PCP4: variants seen among roughly 807,000 people sequenced by gnomAD.
PCP4 encodes the protein calmodulin regulator protein PCP4.
Under a neutral mutation model 10.0 loss-of-function variants are expected in PCP4, and 8 were observed. The observed-to-expected ratio is 0.80, with a 90% CI of 0.47 to 1.45. The LOEUF is 1.45. Ranked by LOEUF, PCP4 falls within the 40% of genes most tolerant of loss-of-function variation. PCP4 has a pLI of 0.00. For synonymous variants in PCP4, 21 were observed against 23.0 expected, an observed-to-expected ratio of 0.91 and a Z score of 0.24; for missense variants, 54 against 74.4, an observed-to-expected ratio of 0.73 and a Z score of 1.01.
chr21:39,925,480 G>A (rs1401024650), intron 2 of PCP4, among the ~76,000 whole-genome samples: 3 of 152,232 alleles, frequency 2.0e-5, no homozygotes, highest in South Asian at 2.1e-4. Context: ...TTGGAACAAG[G>A]CGGACAAAGT....
chr21:39,908,127 GA>G (rs1233863906), intron 2 of PCP4, among the ~76,000 whole-genome samples: 9 of 152,146 alleles, frequency 5.9e-5, no homozygotes, highest in Non-Finnish European at 1.3e-4. Context: ...AAAAAAGCAA[GA>G]AAAGTGGTTT....
chr21:39,896,660 C>A (rs185674131), intron 1 of PCP4, among the ~76,000 whole-genome samples: 2 of 152,108 alleles, frequency 1.3e-5, no homozygotes, highest in African/African-American at 4.8e-5. Flanking sequence ...TAAGCATACA[C>A]GAGGATGGTT....
chr21:39,918,127 G>C (rs192655218), intron 2 of PCP4, among the ~76,000 whole-genome samples: 1 of 152,310 alleles, frequency 6.6e-6, no homozygotes, highest in African/African-American at 2.4e-5. Context: ...ACTTTGTCAT[G>C]ATAGCCTAAG....
At chr21:39,876,934 G>T (rs76485074) in intron 1 of PCP4, among the ~76,000 whole-genome samples, 5,675 of 152,208 alleles carry the variant, frequency 0.037, 349 homozygotes, top group African/African-American at 0.13. Flanking sequence ...AAAGGCTGTC[G>T]TTTTTATAGT....
chr21:39,924,979 T>C lies in PCP4; in HGVS notation c.62-4005T>C, dbSNP rs1468405634. On this transcript the variant is annotated intron_variant, in intron 2 of 2. Transcript: ENST00000328619. ...GGCCACAGGCCCTGGCCCAGGGGCA[T>C]GAGGGTACACCTGTGCCTTCCTCTT... Among the ~76,000 whole-genome samples the C allele has an allele frequency of 4.6e-5, 7 of 152,314 alleles. No individual in the cohort carries two copies. The East Asian group carries it at 9.7e-4, about 21-fold the overall frequency.
In PCP4 at chr21:39,906,346, C is replaced by G. The variant is rs1421988166; in HGVS notation, c.61+7819C>G. On this transcript the variant is annotated intron_variant, in intron 2 of 2. Transcript: ENST00000328619. The surrounding 1 kb of genome is among the most constrained non-coding windows in gnomAD (Gnocchi z 6.3). ...TTAATGGGCTACATCTTAGCCAAAC[C>G]AGAAACTATTGTATCCATAGTACCA... Among the ~76,000 whole-genome samples the G allele has an allele frequency of 2.6e-5, 4 of 152,178 alleles. No homozygotes were observed. Among genetic ancestry groups the G allele is most frequent in the Admixed American group, 2.0e-4 (3 of 15,276 alleles).
At chr21:39,920,150 GTGTT>G (rs1470403527) in intron 2 of PCP4, among the ~76,000 whole-genome samples, 10 of 147,624 alleles carry the variant, frequency 6.8e-5, no homozygotes, top group African/African-American at 1.8e-4. Flanking sequence ...GTGGTGTAGT[GTGTT>G]TGATGTGTGA....
At chr21:39,918,871 G>A (rs1354950912) in intron 2 of PCP4, among the ~76,000 whole-genome samples, 2 of 152,172 alleles carry the variant, frequency 1.3e-5, no homozygotes, top group Non-Finnish European at 2.9e-5. Flanking sequence ...AGGACACAGT[G>A]GCTCTCTGCA....
At chr21:39,927,140 A>G (rs1243703374) in intron 2 of PCP4, among the ~76,000 whole-genome samples, 1 of 152,170 alleles carries the variant, frequency 6.6e-6, no homozygotes, top group Non-Finnish European at 1.5e-5. Flanking sequence ...GTGGAAACTG[A>G]TTAGGATCTA....
chr21:39,889,987 A>G (rs1176384601), intron 1 of PCP4, among the ~76,000 whole-genome samples: 2 of 152,216 alleles, frequency 1.3e-5, no homozygotes, highest in Admixed American at 6.5e-5. Flanking sequence ...ATGATAAATG[A>G]TAAAACAGGT....
intron 2 of PCP4, among the ~76,000 whole-genome samples, chr21:39,898,730 G>A (rs1271218835): frequency 6.6e-6 from 1 of 152,188 alleles, no homozygotes; most frequent in Non-Finnish European, 1.5e-5. Context: ...GCCGTGATAA[G>A]AAGTTTCCCT....
chr21:39,891,365 TG>T (rs2087430333), intron 1 of PCP4, among the ~76,000 whole-genome samples: 2 of 152,260 alleles, frequency 1.3e-5, no homozygotes, highest in Non-Finnish European at 2.9e-5. Flanking sequence ...CCCCTTGCCT[TG>T]GGGCTTCCTC....
intron 1 of PCP4, among the ~76,000 whole-genome samples, chr21:39,874,152 A>G (rs2087333406): frequency 6.6e-6 from 1 of 152,222 alleles, no homozygotes; most frequent in Non-Finnish European, 1.5e-5. Flanking sequence ...AACTGTTCCA[A>G]CCATTCAAAT....
chr21:39,918,290 A>G lies in PCP4; in HGVS notation c.62-10694A>G, dbSNP rs143803943. Among the ~76,000 whole-genome samples, 42 of 152,300 alleles carry G rather than the reference A, an allele frequency of 2.8e-4. No individual in the cohort carries two copies. In the East Asian group the frequency reaches 7.3e-3, roughly 27 times the overall value. ...TTAGTTCTCATTCTTTGTAATCGAT[A>G]AGCATGGATTTGTGCTAATTTGATT... is the stretch of plus-strand genomic sequence containing the variant. On this transcript the variant is annotated intron_variant, in intron 2 of 2. Transcript: ENST00000328619.
At chr21:39,887,223 T>C (rs1274550725) in intron 1 of PCP4, among the ~76,000 whole-genome samples, 3 of 152,218 alleles carry the variant, frequency 2.0e-5, no homozygotes, top group African/African-American at 4.8e-5. Flanking sequence ...AACGTAGTAT[T>C]TGAGGCAGAA....
At chr21:39,908,729 C>T (rs1335768744) in intron 2 of PCP4, among the ~76,000 whole-genome samples, 1 of 152,092 alleles carries the variant, frequency 6.6e-6, no homozygotes, top group Non-Finnish European at 1.5e-5. Flanking sequence ...CTCTGGGAGG[C>T]TGGAGTAGCT....
At chr21:39,913,737 T>C (rs1403845120) in intron 2 of PCP4, among the ~76,000 whole-genome samples, 1 of 152,188 alleles carries the variant, frequency 6.6e-6, no homozygotes, top group Non-Finnish European at 1.5e-5. Context: ...GACTTGACCC[T>C]GGCTTTGCTT....
At chr21:39,891,673 A>C (rs1284980647) in intron 1 of PCP4, among the ~76,000 whole-genome samples, 1 of 152,360 alleles carries the variant, frequency 6.6e-6, no homozygotes, top group East Asian at 1.9e-4. Context: ...TGCATACAAG[A>C]CAAGGGGGCA....
At chr21:39,901,290 G>T (rs988524396) in intron 2 of PCP4, among the ~76,000 whole-genome samples, 3 of 152,310 alleles carry the variant, frequency 2.0e-5, no homozygotes, top group East Asian at 1.9e-4. Context: ...CTCCCTTAAA[G>T]GATGTAGGCA....
Sources: allele counts gnomAD v4.1 joint callset (sites outside exome capture counted in the v4.1 genomes callset), GRCh38; gene constraint gnomAD v4.1.1; non-coding constraint Gnocchi (gnomAD v3.1); transcripts MANE v1.5; gene names NCBI Gene and HGNC (gene_info 2026-07-23, HGNC 2026-07-21).